Variants in MAL observed in about 807,000 individuals in gnomAD.
MAL encodes the protein mal, T cell differentiation protein (MAL blood group).
Under a neutral mutation model 16.7 loss-of-function variants are expected in MAL, and 5 were observed. That is an observed-to-expected ratio of 0.30 (90% CI 0.16 to 0.63). The LOEUF is 0.63. Ranked by LOEUF, MAL falls within the 30% of genes least tolerant of loss-of-function variation. MAL has a pLI of 0.82. For missense variants in MAL, 202 were observed against 195.8 expected (o/e 1.03, Z -0.19); for synonymous variants, 96 against 85.5 (o/e 1.12, Z -0.67).
intron 1 of MAL, among the ~76,000 whole-genome samples, chr2:95,034,549 C>T (rs892476865): frequency 1.1e-4 from 17 of 152,188 alleles, no homozygotes; most frequent in Non-Finnish European, 1.3e-4. Context: ...AGTGTGTCGG[C>T]TGTATGCAAG....
At chr2:95,038,520 G>GTGAGTGACTGAGTGAGTGAC (rs1674322029) in intron 1 of MAL, among the ~76,000 whole-genome samples, 1 of 150,636 alleles carries the variant, frequency 6.6e-6, no homozygotes, top group Non-Finnish European at 1.5e-5. Flanking sequence ...GAGTGGGTGA[G>GTGAGTGACTGAGTGAGTGAC]TGAGTGACTG....
At chr2:95,029,907 G>A (rs1433437746) in intron 1 of MAL, among the ~76,000 whole-genome samples, 7 of 152,172 alleles carry the variant, frequency 4.6e-5, no homozygotes, top group Admixed American at 2.6e-4. Flanking sequence ...ACTTGGTAGC[G>A]TCAGACTTTA....
At chr2:95,038,985 CGAGTGACTGAGT>C (rs1191552936) in intron 1 of MAL, among the ~76,000 whole-genome samples, 2 of 66,360 alleles carry the variant, frequency 3.0e-5, no homozygotes, top group African/African-American at 6.2e-5. Context: ...AGTGAGTGAC[CGAGTGACTGAGT>C]GAGTGACTGA....
chr2:95,049,685 C>T lies in MAL; in HGVS notation c.366C>T (p.Tyr122=), dbSNP rs760185446. ...TMQDGFTYRH[Y]HENIAAVVFS... ...AAGACGGCTTCACCTACAGGCACTA[C>T]CATGAAAACATTGCTGCCGTGGTGA... Residue 122 remains tyrosine (Y), a synonymous_variant, in exon 3 of 4, where the codon TAC becomes TAT. Coordinates refer to ENST00000309988, the MANE Select transcript of MAL (RefSeq NM_002371.4). The T allele has an allele frequency of 1.2e-6, 2 of 1,614,202 alleles. No homozygotes were observed. The highest frequency in any genetic ancestry group is 8.5e-7 in the Non-Finnish European group (1 of 1,180,028).
chr2:95,034,148 TG>T (rs1328384688), intron 1 of MAL, among the ~76,000 whole-genome samples: 3 of 152,134 alleles, frequency 2.0e-5, no homozygotes, highest in African/African-American at 7.2e-5. Flanking sequence ...GCATGAGGAT[TG>T]GGATTGGGCC....
chr2:95,028,438 T>C (rs1213587277), intron 1 of MAL, among the ~76,000 whole-genome samples: 2 of 152,110 alleles, frequency 1.3e-5, no homozygotes, highest in Admixed American at 1.3e-4. Context: ...AAACATCAAG[T>C]ATTGGATGTG....
chr2:95,045,892 G>C (rs1007895686), intron 1 of MAL, among the ~76,000 whole-genome samples: 3 of 152,206 alleles, frequency 2.0e-5, no homozygotes, highest in African/African-American at 7.2e-5. Context: ...TTATTCCATG[G>C]TGGTCTGGGC....
rs1321522856 is a variant in MAL, at chr2:95,053,488, TG to T, written c.*35del. On this transcript the variant is annotated 3_prime_UTR_variant, in exon 4 of 4. Coordinates refer to ENST00000309988, the MANE Select transcript of MAL (RefSeq NM_002371.4). ...GTAGAACTTGAGCTGAAAACCCAGA[TG>T]GTGTTAACTGGCCGCCCCACTTTCC... 2 of 1,490,218 alleles carry T rather than the reference TG, an allele frequency of 1.3e-6. No homozygotes were observed. Among genetic ancestry groups the T allele is most frequent in the East Asian group, 4.5e-5 (2 of 44,312 alleles). The allele number at this position is 1,490,218 out of a possible 1,614,324, so 92.3% of individuals were successfully genotyped here.
intron 1 of MAL, among the ~76,000 whole-genome samples, chr2:95,035,001 G>A (rs1418356459): frequency 6.6e-6 from 1 of 152,142 alleles, no homozygotes; most frequent in Non-Finnish European, 1.5e-5. Flanking sequence ...GAAGGGGCTC[G>A]GGTCTCCTCT....
At chr2:95,031,989 C>T (rs763434968) in intron 1 of MAL, among the ~76,000 whole-genome samples, 3 of 152,218 alleles carry the variant, frequency 2.0e-5, no homozygotes, top group Non-Finnish European at 4.4e-5. Context: ...CTCATCTCCA[C>T]AGGATTGTCA....
chr2:95,036,526 G>C (rs994830608), intron 1 of MAL, among the ~76,000 whole-genome samples: 12 of 152,246 alleles, frequency 7.9e-5, no homozygotes, highest in African/African-American at 2.7e-4. Flanking sequence ...TCATTAAAGT[G>C]TGTCTTTGAA....
At chr2:95,034,029 C>T (rs1468840977) in intron 1 of MAL, among the ~76,000 whole-genome samples, 1 of 152,262 alleles carries the variant, frequency 6.6e-6, no homozygotes, top group African/African-American at 2.4e-5. Context: ...ATAATTTAAG[C>T]ATCTGCTCTG....
At chr2:95,049,481 T>TG in intron 2 of MAL, 100 bp from the exon 3 acceptor site, 3 of 1,350,536 alleles carry the variant, frequency 2.2e-6, no homozygotes, top group South Asian at 1.3e-5. Context: ...TCAAAGGAAG[T>TG]GGGGGGAGAG....
intron 1 of MAL, among the ~76,000 whole-genome samples, chr2:95,047,388 A>G (rs1288473467): frequency 2.6e-5 from 4 of 152,204 alleles, no homozygotes; most frequent in Admixed American, 1.3e-4. Context: ...TAGGTCTGAT[A>G]TAAGTGTTTG....
chr2:95,032,225 C>T (rs150098531), intron 1 of MAL, among the ~76,000 whole-genome samples: 1 of 152,380 alleles, frequency 6.6e-6, no homozygotes, highest in East Asian at 1.9e-4. Flanking sequence ...CCTATACTCG[C>T]CACACCAGCA....
At chr2:95,037,360 C>CTGAG (rs1225343559) in intron 1 of MAL, among the ~76,000 whole-genome samples, 2 of 114,256 alleles carry the variant, frequency 1.8e-5, no homozygotes, top group Non-Finnish European at 1.8e-5. Flanking sequence ...GAGTGAGTGA[C>CTGAG]TGAGTGAGTG....
chr2:95,045,446 CTCCTGGT>C (rs1674564838), intron 1 of MAL, among the ~76,000 whole-genome samples: 1 of 152,224 alleles, frequency 6.6e-6, no homozygotes, highest in African/African-American at 2.4e-5. Flanking sequence ...GATGGGTCTT[CTCCTGGT>C]CCCCACCAGT....
Position 95,045,265 on chromosome 2 carries a change from C to T in MAL, c.94-2694C>T, listed in dbSNP as rs578122601. ...AGCATGTGTATAGGTCACCCGTAAGCGCCTCTGGCCCACGGGGTCCCACTG... is the reference window on the plus strand; with the variant it reads ...AGCATGTGTATAGGTCACCCGTAAGTGCCTCTGGCCCACGGGGTCCCACTG... On this transcript the variant is annotated intron_variant, in intron 1 of 3. Transcript: ENST00000309988. Among the ~76,000 whole-genome samples the T allele has an allele frequency of 9.8e-5, 15 of 152,306 alleles. No homozygotes were observed. In the South Asian group the frequency reaches 3.1e-3, roughly 32 times the overall value.
chr2:95,051,806 G>T (rs570773923), intron 3 of MAL: 1 of 152,176 alleles, frequency 6.6e-6, no homozygotes, highest in Non-Finnish European at 1.5e-5. Flanking sequence ...AAATCTGCAC[G>T]GCGTTCGATG....
Sources: allele counts gnomAD v4.1 joint callset (sites outside exome capture counted in the v4.1 genomes callset), GRCh38; gene constraint gnomAD v4.1.1; transcripts MANE v1.5; gene names NCBI Gene and HGNC (gene_info 2026-07-23, HGNC 2026-07-21).